The following GUCY2F variants were observed in gnomAD, a reference collection of about 807,000 sequenced individuals.
The protein encoded by GUCY2F is retinal guanylyl cyclase 2.
In GUCY2F, 61 loss-of-function variants were observed where a neutral mutation model predicts 73.1. That is an observed-to-expected ratio of 0.83 (90% confidence interval 0.68 to 1.03). The LOEUF is 1.03. Among genes scored for constraint, GUCY2F ranks in the 50% least tolerant of loss-of-function variants. The probability of loss-of-function intolerance (pLI) is 0.00; values close to 1 mark genes in which losing one functional copy is unlikely to be tolerated. For synonymous variants in GUCY2F, 331 were observed against 307.8 expected (o/e 1.08, Z -0.79); for missense variants, 912 against 854.3 (o/e 1.07, Z -0.84).
chrX:109,470,669 G>A (rs1480784193), intron 2 of GUCY2F, among the ~76,000 whole-genome samples: 1 of 111,301 alleles, frequency 9.0e-6, no homozygotes, highest in African/African-American at 3.3e-5. Flanking sequence ...ACCTGAGAAT[G>A]TGCAGTATTA....
At chrX:109,411,178 C>T (rs1254096343) in intron 8 of GUCY2F, among the ~76,000 whole-genome samples, 1 of 106,725 alleles carries the variant, frequency 9.4e-6, no homozygotes, top group Non-Finnish European at 1.9e-5. Context: ...TATGCTGGTG[C>T]CCCACCCATA....
chrX:109,471,476 T>G (rs1932573179), intron 2 of GUCY2F, among the ~76,000 whole-genome samples: 1 of 112,354 alleles, frequency 8.9e-6, no homozygotes, highest in South Asian at 3.7e-4. Context: ...TTTGTGCCAT[T>G]GGACAAAAAC....
At chrX:109,427,315 G>A (rs1202652693) in intron 8 of GUCY2F, among the ~76,000 whole-genome samples, 2 of 112,313 alleles carry the variant, frequency 1.8e-5, no homozygotes, top group East Asian at 5.6e-4. Context: ...AGAACTCCAG[G>A]ATACTTTCCA....
At chrX:109,418,080 G>A (rs988684260) in intron 8 of GUCY2F, among the ~76,000 whole-genome samples, 1 of 111,386 alleles carries the variant, frequency 9.0e-6, no homozygotes, top group Non-Finnish European at 1.9e-5. Flanking sequence ...GGTACTCACA[G>A]CACAGAAATC....
intron 16 of GUCY2F, among the ~76,000 whole-genome samples, chrX:109,382,638 T>C (rs1045287419): frequency 5.3e-5 from 6 of 112,325 alleles, no homozygotes; most frequent in African/African-American, 1.6e-4. Flanking sequence ...GTCTTTTCCA[T>C]ATGCATTCTT....
chrX:109,382,453 C>T (rs1018697249), intron 16 of GUCY2F, among the ~76,000 whole-genome samples: 2 of 111,743 alleles, frequency 1.8e-5, no homozygotes, highest in South Asian at 3.7e-4. Context: ...AAATGAAAGG[C>T]CATGCAATAG....
chrX:109,375,463 C>T (rs746676030), intron 19 of GUCY2F, among the ~76,000 whole-genome samples: 32 of 111,427 alleles, frequency 2.9e-4, no homozygotes, highest in Non-Finnish European at 5.9e-4. Context: ...CATAAACATC[C>T]CCTCCAAGGT....
intron 10 of GUCY2F, among the ~76,000 whole-genome samples, chrX:109,403,169 C>A (rs750397182): frequency 9.0e-6 from 1 of 110,872 alleles, no homozygotes; most frequent in East Asian, 2.8e-4. Context: ...CATATTTGTT[C>A]TCTTTCTTTT....
intron 10 of GUCY2F, among the ~76,000 whole-genome samples, chrX:109,401,852 T>C (rs1930847173): frequency 9.1e-6 from 1 of 110,048 alleles, no homozygotes; most frequent in Non-Finnish European, 1.9e-5. Context: ...GAGAAGAGTG[T>C]CCCAGGCAGA....
chrX:109,375,501 C>T lies in GUCY2F; in HGVS notation c.*1+397G>A, dbSNP rs7056249. 8.0e-3 allele frequency among the ~76,000 whole-genome samples: 893 copies of T among 112,128 alleles called. 8 individuals are homozygous for T. The highest frequency in any genetic ancestry group is 0.027 in the African/African-American group (845 of 30,889). ...TCTTGTCAACAGATCCCAGGAATAG[C>T]CGGTAGTCCTACTGCTATTGCCTAG... On this transcript the variant is annotated intron_variant, in intron 19 of 19. Transcript: ENST00000218006.
At chrX:109,476,796 T>G (rs1019639638) in intron 1 of GUCY2F, among the ~76,000 whole-genome samples, 7 of 108,572 alleles carry the variant, frequency 6.4e-5, no homozygotes, top group Non-Finnish European at 1.1e-4. Context: ...TATATGTGTG[T>G]GTGTATATAT....
chrX:109,402,222 A>T (rs771471746), intron 10 of GUCY2F, among the ~76,000 whole-genome samples: 42 of 111,023 alleles, frequency 3.8e-4, no homozygotes, highest in African/African-American at 1.3e-3. Context: ...AGAGACAGAG[A>T]CAGAGGAGAC....
At chrX:109,445,607 TG>T (rs1289972031) in intron 6 of GUCY2F, among the ~76,000 whole-genome samples, 1 of 111,621 alleles carries the variant, frequency 9.0e-6, no homozygotes, top group Non-Finnish European at 1.9e-5. Flanking sequence ...CTGCTGGATT[TG>T]GTTTGGGACA....
chrX:109,462,599 A>G (rs1170015497), intron 3 of GUCY2F, among the ~76,000 whole-genome samples: 2 of 111,444 alleles, frequency 1.8e-5, no homozygotes. Flanking sequence ...TAATTACCTT[A>G]TGTTTTCCAC....
chrX:109,446,466 T>C (rs59290252), intron 6 of GUCY2F, among the ~76,000 whole-genome samples: 5,517 of 110,094 alleles, frequency 0.05, 402 homozygotes, highest in African/African-American at 0.17. Context: ...TCAGAAATAA[T>C]ACTACACATC....
chrX:109,452,746 C>T (rs1932161156), intron 4 of GUCY2F, among the ~76,000 whole-genome samples: 1 of 111,574 alleles, frequency 9.0e-6, no homozygotes, highest in African/African-American at 3.3e-5. Flanking sequence ...CAAATAGATG[C>T]ATTTGGTTTT....
At chrX:109,474,591 T>C (rs1286558844) in intron 2 of GUCY2F, among the ~76,000 whole-genome samples, 1 of 112,045 alleles carries the variant, frequency 8.9e-6, no homozygotes, top group African/African-American at 3.2e-5. Flanking sequence ...AACTTAAAAT[T>C]TAGACAGTCT....
At chrX:109,419,918 C>T (rs1379134103) in intron 8 of GUCY2F, among the ~76,000 whole-genome samples, 1 of 108,927 alleles carries the variant, frequency 9.2e-6, no homozygotes, top group Non-Finnish European at 1.9e-5. Flanking sequence ...TTAGGAGGTA[C>T]TCTATAGTTA....
chrX:109,456,686 TTATAGCATAGC>T (rs1422018760), intron 3 of GUCY2F, among the ~76,000 whole-genome samples: 2 of 111,446 alleles, frequency 1.8e-5, no homozygotes, highest in Non-Finnish European at 3.8e-5. Context: ...GTAGAGAGAC[TTATAGCATAGC>T]TATAGCAACA....
Sources: allele counts gnomAD v4.1 joint callset (sites outside exome capture counted in the v4.1 genomes callset), GRCh38; gene constraint gnomAD v4.1.1; transcripts MANE v1.5; gene names NCBI Gene and HGNC (gene_info 2026-07-23, HGNC 2026-07-21).